Variants in EPHA6 observed in about 807,000 individuals in gnomAD.
EPHA6 encodes EPH receptor A6, also known as ephrin type-A receptor 6.
In EPHA6, 50 loss-of-function variants were observed where a neutral mutation model predicts 112.0. The ratio of observed to expected loss-of-function variants is 0.45; its 90% CI spans 0.36 to 0.56. The LOEUF is 0.56. Ranked by LOEUF, EPHA6 falls within the 20% of genes least tolerant of loss-of-function variation. EPHA6 has a pLI of 0.00. For missense variants in EPHA6, 1,280 were observed against 1,417.4 expected (o/e 0.90, Z 1.56); for synonymous variants, 529 against 490.7 (o/e 1.08, Z -1.03).
At chr3:97,747,654 C>T (rs2035773474) in intron 17 of EPHA6, 82 bp downstream of exon 17, 1 of 1,267,364 alleles carries the variant, frequency 7.9e-7, no homozygotes, top group Non-Finnish European at 1.0e-6. Context: ...GAACACCTTT[C>T]CTTAGGCTAG....
intron 3 of EPHA6, among the ~76,000 whole-genome samples, chr3:97,089,201 C>G (rs566954143): frequency 6.6e-6 from 1 of 152,172 alleles, no homozygotes; most frequent in African/African-American, 2.4e-5. Context: ...CCAGTGAGAA[C>G]TGGCTGAATA....
At chr3:97,744,251 T>C (rs2107890344) in intron 16 of EPHA6, among the ~76,000 whole-genome samples, 1 of 152,098 alleles carries the variant, frequency 6.6e-6, no homozygotes, top group African/African-American at 2.4e-5. Flanking sequence ...GCTGTAAAGA[T>C]ATTTCTCAGG....
intron 5 of EPHA6, among the ~76,000 whole-genome samples, chr3:97,384,753 C>T (rs751029733): frequency 6.6e-6 from 1 of 151,866 alleles, no homozygotes; most frequent in Non-Finnish European, 1.5e-5. Flanking sequence ...TACTATTTCC[C>T]CCTTTTTTGA....
At chr3:97,288,707 T>C (rs2080565676) in intron 5 of EPHA6, among the ~76,000 whole-genome samples, 1 of 152,168 alleles carries the variant, frequency 6.6e-6, no homozygotes, top group East Asian at 1.9e-4. Flanking sequence ...GTATAAGCAT[T>C]TCCTGTACTA....
intron 1 of EPHA6, among the ~76,000 whole-genome samples, chr3:96,838,345 T>C (rs1241849274): frequency 6.6e-6 from 1 of 152,178 alleles, no homozygotes. Context: ...TTGTGAATAG[T>C]GCTTCAGTGA....
chr3:97,675,277 A>C (rs564545814), intron 14 of EPHA6, among the ~76,000 whole-genome samples: 66 of 152,132 alleles, frequency 4.3e-4, no homozygotes, highest in South Asian at 1.2e-3. Context: ...TCAGGAGCTC[A>C]AAACCAACCT....
chr3:97,068,363 G>C (rs1333841656), intron 3 of EPHA6, among the ~76,000 whole-genome samples: 1 of 151,962 alleles, frequency 6.6e-6, no homozygotes, highest in African/African-American at 2.4e-5. Flanking sequence ...TATAAGCAGA[G>C]GTGTTTGGTA....
intron 3 of EPHA6, among the ~76,000 whole-genome samples, chr3:97,104,194 G>C (rs1010793177): frequency 2.0e-5 from 3 of 152,122 alleles, no homozygotes; most frequent in African/African-American, 7.2e-5. Context: ...TTGAATAGGA[G>C]TGGTGAGAGA....
chr3:97,530,288 A>T (rs1380422640), intron 10 of EPHA6, among the ~76,000 whole-genome samples: 1 of 152,004 alleles, frequency 6.6e-6, no homozygotes, highest in African/African-American at 2.4e-5. Context: ...TGGCACTTTT[A>T]TGCATAAGAG....
chr3:97,313,791 G>A (rs2108760273), intron 5 of EPHA6, among the ~76,000 whole-genome samples: 1 of 151,590 alleles, frequency 6.6e-6, no homozygotes, highest in Middle Eastern at 3.4e-3. Context: ...CTTAACAGAG[G>A]TATTCTTTGC....
intron 5 of EPHA6, among the ~76,000 whole-genome samples, chr3:97,350,248 A>C (rs1230962595): frequency 6.6e-6 from 1 of 152,144 alleles, no homozygotes; most frequent in Non-Finnish European, 1.5e-5. Flanking sequence ...ACAGACTAGT[A>C]TAAAACATCC....
At chr3:97,073,004 C>T (rs1242190603) in intron 3 of EPHA6, among the ~76,000 whole-genome samples, 3 of 152,164 alleles carry the variant, frequency 2.0e-5, no homozygotes, top group African/African-American at 7.2e-5. Context: ...TTTGACCTAA[C>T]AAGCTCTGTA....
chr3:97,247,950 G>C (rs2079031280), intron 5 of EPHA6, among the ~76,000 whole-genome samples: 1 of 151,936 alleles, frequency 6.6e-6, no homozygotes, highest in Non-Finnish European at 1.5e-5. Flanking sequence ...AGATCGATAT[G>C]AAATAAATTG....
intron 6 of EPHA6, among the ~76,000 whole-genome samples, chr3:97,436,422 C>T (rs1275889869): frequency 1.3e-5 from 2 of 152,084 alleles, no homozygotes; most frequent in South Asian, 2.1e-4. Context: ...AGTTCCACCA[C>T]GGTGACAAAA....
At chr3:97,657,347 T>C (rs1222895580) in intron 14 of EPHA6, among the ~76,000 whole-genome samples, 1 of 151,760 alleles carries the variant, frequency 6.6e-6, no homozygotes, top group African/African-American at 2.4e-5. Flanking sequence ...TTATATAAAG[T>C]AAAAACTAAC....
At position 96,987,875 on chromosome 3, in the gene EPHA6, G is replaced by C. The variant is rs746972477; in HGVS notation, c.996G>C (p.Lys332Asn). The change falls in exon 3 of 18, where the codon AAG becomes AAC. Residue 332 changes from lysine to asparagine, a missense_variant. By Grantham distance (94) the Lys-to-Asn change is moderately conservative. Around this residue, in one of 4 missense-constraint regions of EPHA6, gnomAD observed 878 missense variants for 999.7 expected, o/e 0.88. Coordinates refer to ENST00000389672, the MANE Select transcript of EPHA6 (RefSeq NM_001080448.3). The part of the protein sequence containing the change: ...SLVEVRGSCV[K>N]SAEERDTPKL... Reference sequence around the variant, plus strand: ...TTGAAGTACGGGGTTCTTGTGTGAAGAGTGCTGAAGAGCGTGACACTCCTA... The same window carrying C: ...TTGAAGTACGGGGTTCTTGTGTGAACAGTGCTGAAGAGCGTGACACTCCTA... The C allele has an allele frequency of 3.1e-6, 5 of 1,613,744 alleles. No individual in the cohort carries two copies. In the Admixed American group the frequency reaches 8.3e-5, roughly 27 times the overall value.
chr3:96,893,406 TG>T (rs962967596), intron 2 of EPHA6, among the ~76,000 whole-genome samples: 5 of 152,222 alleles, frequency 3.3e-5, no homozygotes, highest in African/African-American at 1.2e-4. Context: ...GATTTAATTT[TG>T]TGTTGTTTTA....
At chr3:97,541,842 A>G (rs1309174393) in intron 11 of EPHA6, among the ~76,000 whole-genome samples, 1 of 150,886 alleles carries the variant, frequency 6.6e-6, no homozygotes, top group Admixed American at 6.6e-5. Flanking sequence ...GGTGTGCTGT[A>G]TTAGTCAGGG....
At chr3:97,658,854 T>C (rs887403745) in intron 14 of EPHA6, among the ~76,000 whole-genome samples, 1 of 151,850 alleles carries the variant, frequency 6.6e-6, no homozygotes, top group African/African-American at 2.4e-5. Context: ...CATGATACAT[T>C]TGTATAGGTG....
Sources: gnomAD v4.1 joint callset for allele counts (sites outside exome capture counted in the v4.1 genomes callset) on GRCh38, gnomAD v4.1.1 for gene constraint, gnomAD v4.1.1 regional missense constraint, MANE v1.5 for transcripts, NCBI Gene and HGNC (gene_info 2026-07-23, HGNC 2026-07-21) for gene names.